Variants in ATMIN observed in about 807,000 individuals in gnomAD.
ATMIN encodes ATM INteracting protein.
In ATMIN, 24 loss-of-function variants were observed where a neutral mutation model predicts 49.2. That is an observed-to-expected ratio of 0.49 (90% CI 0.35 to 0.69). The LOEUF (loss-of-function observed/expected upper bound fraction) is 0.69. Among genes scored for constraint, ATMIN ranks in the 30% least tolerant of loss-of-function variants. ATMIN has a pLI of 0.00. For synonymous variants in ATMIN, 450 were observed against 392.5 expected (o/e 1.15, Z -1.73); for missense variants, 1,037 against 1,005.5 (o/e 1.03, Z -0.42).
At position 81,043,345 on chromosome 16, in the gene ATMIN, A is replaced by C. The variant is rs1014520209; in HGVS notation, c.847A>C (p.Thr283Pro). 1.2e-6 allele frequency: 2 copies of C among 1,612,090 alleles called. No individual in the cohort carries two copies. Among genetic ancestry groups the C allele is most frequent in the African/African-American group, 2.7e-5 (2 of 74,156 alleles). Residue 283 changes from threonine to proline, a missense_variant, in exon 4 of 4, where the codon ACT becomes CCT. Thr to Pro is a conservative substitution (Grantham distance 38). Transcript: ENST00000299575. ...TTGTGGCTCTAACACTGACAAGCAGACTCTTACAACACCACCGAGATATCC... is the reference window on the plus strand; with the variant it reads ...TTGTGGCTCTAACACTGACAAGCAGCCTCTTACAACACCACCGAGATATCC... ...DSCGSNTDKQ[T>P]LTTPPRYPQK...
In ATMIN at chr16:81,043,590, G is replaced by A; in HGVS notation, c.1092G>A (p.Glu364=). 2 of 1,614,112 alleles carry A rather than the reference G, an allele frequency of 1.2e-6. No individual in the cohort carries two copies. Among genetic ancestry groups the A allele is most frequent in the South Asian group, 2.2e-5 (2 of 91,076 alleles). ...GLDSEACSLK[E]SLPLFKIANP... ...ATTCAGAGGCTTGCTCTCTTAAGGA[G>A]AGCCTACCTCTTTTCAAAATTGCTA... Residue 364 remains glutamate (E), a synonymous_variant, in exon 4 of 4, where the codon GAG becomes GAA. Transcript: ENST00000299575.
chr16:81,041,599 G>A (rs1291878060), intron 2 of ATMIN, 118 bp downstream of exon 2: 44 of 1,327,114 alleles, frequency 3.3e-5, no homozygotes, highest in East Asian at 2.8e-4. Flanking sequence ...AGATGCCTGC[G>A]TGTCTCCCAG....
Position 81,044,058 on chromosome 16 carries a change from T to A in ATMIN, c.1560T>A (p.Ser520Arg), listed in dbSNP as rs1163802144. The stretch of plus-strand genomic sequence containing the variant: ...GAATGTGCGGAGACATTTTTGAGAG[T>A]GTTCATTCATCATATAATGTTGCTA... ...QAGMCGDIFE[S>R]VHSSYNVATG... is the part of the protein sequence containing the mutation. The change falls in exon 4 of 4, where the codon AGT becomes AGA. Residue 520 changes from serine to arginine, a missense_variant. Ser to Arg is a moderately radical substitution (Grantham distance 110). Transcript: ENST00000299575. The A allele has an allele frequency of 1.5e-5, 25 of 1,613,992 alleles. No homozygotes were observed. Among genetic ancestry groups the A allele is most frequent in the Non-Finnish European group, 1.9e-5 (23 of 1,180,004 alleles).
chr16:81,043,230 T>C lies in ATMIN; in HGVS notation c.732T>C (p.Ile244=). 1 of 1,613,998 alleles carries C rather than the reference T, an allele frequency of 6.2e-7. No individual in the cohort carries two copies. The highest frequency in any genetic ancestry group is 2.2e-5 in the East Asian group (1 of 44,878). Residue 244 remains isoleucine (I), a synonymous_variant, in exon 4 of 4, where the codon ATT becomes ATC. Transcript: ENST00000299575. The stretch of plus-strand genomic sequence containing the variant: ...ACCAGAAGTTATCCAACAAGACCAT[T>C]GAATCATTGAACAACCAACCAATCC... ...AQNQKLSNKT[I]ESLNNQPIPR... is the part of the protein sequence containing the mutation.
At chr16:81,038,477 A>T (rs1970983800) in intron 1 of ATMIN, among the ~76,000 whole-genome samples, 1 of 151,696 alleles carries the variant, frequency 6.6e-6, no homozygotes, top group Non-Finnish European at 1.5e-5. Context: ...CAGATCCATC[A>T]TTTTTTTCTT....
rs1381106058 is a variant in ATMIN, at chr16:81,037,801, A to G, written c.336+1595A>G. Among the ~76,000 whole-genome samples the G allele has an allele frequency of 2.6e-5, 4 of 151,572 alleles. No individual in the cohort carries two copies. In the East Asian group the frequency reaches 7.8e-4, roughly 29 times the overall value. On this transcript the variant is annotated intron_variant, in intron 1 of 3. Transcript: ENST00000299575. Reference sequence around the variant, plus strand: ...CAGGCACCTGCCACCACACCCTGCTAATTTTTTTTTGTATTTTTAGTAAAG... The same window carrying G: ...CAGGCACCTGCCACCACACCCTGCTGATTTTTTTTTGTATTTTTAGTAAAG...
chr16:81,036,290 G>T (rs1038342319), intron 1 of ATMIN, 84 bp downstream of exon 1: 30 of 1,111,826 alleles, frequency 2.7e-5, no homozygotes, highest in East Asian at 5.0e-5. Flanking sequence ...GCCGGCCTCG[G>T]GGGGACGAGC....
At position 81,045,974 on chromosome 16, in the gene ATMIN, T is replaced by C. The variant is rs1196394558; in HGVS notation, c.*1004T>C. 4.5e-5 allele frequency: 3 copies of C among 67,136 alleles called. No homozygotes were observed. Among genetic ancestry groups the C allele is most frequent in the Non-Finnish European group, 1.5e-4 (3 of 19,700 alleles). The allele number at this position is 67,136 out of a possible 1,614,324, so 4.2% of individuals were successfully genotyped here. On this transcript the variant is annotated 3_prime_UTR_variant, in exon 4 of 4. Coordinates refer to ENST00000299575, the MANE Select transcript of ATMIN (RefSeq NM_015251.3). ...ACCTGGGTAACAGGGCAAGACCCTATCTCAAAAAAAAAAAAAGTCGCCAGC... is the reference window on the plus strand; with the variant it reads ...ACCTGGGTAACAGGGCAAGACCCTACCTCAAAAAAAAAAAAAGTCGCCAGC...
intron 2 of ATMIN, 149 bp downstream of exon 2, chr16:81,041,630 C>A: frequency 1.0e-6 from 1 of 985,978 alleles, no homozygotes; most frequent in Non-Finnish European, 1.5e-6. Flanking sequence ...CCTGAGTATG[C>A]TGTTACACAA....
rs964444764 is a variant in ATMIN, at chr16:81,041,482, G to A, written c.462+1G>A. ...TTCTCAGTTTTCTCTCGTAAAACAG[G>A]TACTCTCTACTCTGAGGATGAGATA... On this transcript the variant is annotated splice_donor_variant, in intron 2 of 3. Coordinates refer to ENST00000299575, the MANE Select transcript of ATMIN (RefSeq NM_015251.3). LOFTEE classifies it high-confidence loss of function. The A allele has an allele frequency of 9.3e-6, 15 of 1,605,478 alleles. No individual in the cohort carries two copies. In the Admixed American group the frequency reaches 1.2e-4, roughly 13 times the overall value.
At chr16:81,039,099 A>G (rs1411108684) in intron 1 of ATMIN, among the ~76,000 whole-genome samples, 4 of 152,272 alleles carry the variant, frequency 2.6e-5, no homozygotes, top group South Asian at 2.1e-4. Context: ...CCAGGCCTCA[A>G]ACATCAATGT....
Position 81,043,962 on chromosome 16 carries a change from G to C in ATMIN, c.1464G>C (p.Gly488=), listed in dbSNP as rs140089425. ...AFMDTCFQSG[G]VSRETQTSGI... is the part of the protein sequence containing the mutation. Reference sequence around the variant, plus strand: ...TGGACACCTGTTTCCAGTCAGGTGGGGTCTCCAGAGAAACTCAAACCAGTG... The same window carrying C: ...TGGACACCTGTTTCCAGTCAGGTGGCGTCTCCAGAGAAACTCAAACCAGTG... The change falls in exon 4 of 4, where the codon GGG becomes GGC. Residue 488 remains glycine (G), a synonymous_variant. Transcript: ENST00000299575. The C allele has an allele frequency of 6.2e-7, 1 of 1,614,146 alleles. No homozygotes were observed. Among genetic ancestry groups the C allele is most frequent in the East Asian group, 2.2e-5 (1 of 44,880 alleles).
At chr16:81,041,884 G>A (rs183187941) in intron 2 of ATMIN, among the ~76,000 whole-genome samples, 227 of 152,266 alleles carry the variant, frequency 1.5e-3, no homozygotes, top group Non-Finnish European at 2.5e-3. Context: ...AGAGGAGGGA[G>A]GGCCCCAGTG....
chr16:81,036,851 A>AAAC (rs1970946084), intron 1 of ATMIN, among the ~76,000 whole-genome samples: 1 of 152,210 alleles, frequency 6.6e-6, no homozygotes, highest in Admixed American at 6.5e-5. Context: ...AGGAATAATT[A>AAAC]CTGTGTGTCG....
chr16:81,038,898 C>CA (rs1233832919), intron 1 of ATMIN, among the ~76,000 whole-genome samples: 3 of 152,174 alleles, frequency 2.0e-5, no homozygotes, highest in African/African-American at 7.2e-5. Flanking sequence ...CGGGTTCAAG[C>CA]AGTTCTCTTG....
intron 1 of ATMIN, among the ~76,000 whole-genome samples, chr16:81,036,729 G>A (rs1695163412): frequency 6.6e-6 from 1 of 152,120 alleles, no homozygotes; most frequent in African/African-American, 2.4e-5. Context: ...GGTTTTAAAT[G>A]TTCTCACCAC....
chr16:81,037,273 G>T, intron 1 of ATMIN: 1 of 985,450 alleles, frequency 1.0e-6, no homozygotes, highest in Non-Finnish European at 1.2e-6. Flanking sequence ...AGTAAATTTA[G>T]AGTACCCAGA....
chr16:81,044,326 C>G lies in ATMIN; in HGVS notation c.1828C>G (p.Arg610Gly), dbSNP rs772805437. 1.9e-6 allele frequency: 3 copies of G among 1,614,142 alleles called. No individual in the cohort carries two copies. The highest frequency in any genetic ancestry group is 1.3e-5 in the African/African-American group (1 of 75,044). Residue 610 changes from arginine (R) to glycine (G), a missense_variant, in exon 4 of 4, where the codon CGT (arginine) becomes GGT (glycine). Physicochemically the swap from Arg to Gly is moderately radical, Grantham distance 125. Transcript: ENST00000299575. ...TCTGCCTGCTCAGACATTGGATCATCGTAGTCTTTTGTCTGACACAAATCC... is the reference window on the plus strand; with the variant it reads ...TCTGCCTGCTCAGACATTGGATCATGGTAGTCTTTTGTCTGACACAAATCC... ...SNLPAQTLDH[R>G]SLLSDTNPGP...
chr16:81,041,040 A>G, intron 1 of ATMIN: 1 of 283,362 alleles, frequency 3.5e-6, no homozygotes. Context: ...TCTTGTAGTG[A>G]TCCTAATCCG....
Sources: gnomAD v4.1 joint callset for allele counts (sites outside exome capture counted in the v4.1 genomes callset) on GRCh38, gnomAD v4.1.1 for gene constraint, MANE v1.5 for transcripts, NCBI Gene and HGNC (gene_info 2026-07-23, HGNC 2026-07-21) for gene names.